LIMCH1: variants seen among roughly 807,000 people sequenced by gnomAD.
LIMCH1 encodes LIM and calponin homology domains-containing protein 1.
LIMCH1 carries 113 observed loss-of-function variants against 176.5 expected under a neutral mutation model. That is an observed-to-expected ratio of 0.64 (90% CI 0.55 to 0.75). LIMCH1 has a LOEUF of 0.75. LIMCH1 is among the 30% of genes least tolerant of loss of function. LIMCH1 has a pLI of 0.00. For synonymous variants in LIMCH1, 619 were observed against 645.9 expected (o/e 0.96, Z 0.63); for missense variants, 1,674 against 1,814.9 (o/e 0.92, Z 1.41).
At chr4:41,516,723 A>C (rs2075618339) in intron 2 of LIMCH1, among the ~76,000 whole-genome samples, 2 of 152,224 alleles carry the variant, frequency 1.3e-5, no homozygotes, top group African/African-American at 2.4e-5. Context: ...TTTTAGTATT[A>C]AGAGGGATGT....
At position 41,629,702 on chromosome 4, in the gene LIMCH1, G is replaced by A. The variant is rs532991644; in HGVS notation, c.1239G>A (p.Thr413=). Residue 413 remains threonine, a synonymous_variant, in exon 9 of 32, where the codon ACG becomes ACA. Transcript: ENST00000503057. ...LSNITEADLE[T]WERLKVSEKA... is the part of the protein sequence containing the mutation. ...ACATAACAGAAGCTGACTTGGAGAC[G>A]TGGGAGAGACTCAAAGTGTCAGAAA... The A allele has an allele frequency of 3.3e-5, 51 of 1,535,948 alleles. 1 individual carries two copies. The South Asian group carries it at 4.6e-4, about 14-fold the overall frequency.
intron 1 of LIMCH1, among the ~76,000 whole-genome samples, chr4:41,575,756 A>C (rs561723690): frequency 6.6e-6 from 1 of 152,272 alleles, no homozygotes; most frequent in South Asian, 2.1e-4. Flanking sequence ...ATCTGGTGGT[A>C]GTAGATATTT....
At chr4:41,451,560 C>G (rs948498286) in intron 1 of LIMCH1, among the ~76,000 whole-genome samples, 3 of 152,216 alleles carry the variant, frequency 2.0e-5, no homozygotes, top group Non-Finnish European at 2.9e-5. Flanking sequence ...TCCTCTCTCC[C>G]TTCTCCCCCA....
chr4:41,469,196 A>C (rs1036793126), intron 1 of LIMCH1, among the ~76,000 whole-genome samples: 1 of 152,128 alleles, frequency 6.6e-6, no homozygotes, highest in African/African-American at 2.4e-5. Context: ...CCTACCTCCC[A>C]CAACAGTTGA....
intron 18 of LIMCH1, among the ~76,000 whole-genome samples, chr4:41,656,179 C>A (rs995490728): frequency 3.3e-5 from 5 of 152,194 alleles, no homozygotes; most frequent in African/African-American, 1.2e-4. Flanking sequence ...AAATTCAGTA[C>A]TTATGTTTTC....
At chr4:41,501,226 T>G (rs1028806581) in intron 2 of LIMCH1, among the ~76,000 whole-genome samples, 1 of 152,222 alleles carries the variant, frequency 6.6e-6, no homozygotes, top group Non-Finnish European at 1.5e-5. Flanking sequence ...GTAAAGATTA[T>G]TTCTTTGAAA....
At chr4:41,529,198 AG>A (rs1353773884) in intron 3 of LIMCH1, among the ~76,000 whole-genome samples, 1 of 152,230 alleles carries the variant, frequency 6.6e-6, no homozygotes, top group Non-Finnish European at 1.5e-5. Context: ...AGTGGTCATC[AG>A]AGATCATGCT....
intron 4 of LIMCH1, chr4:41,613,254 G>A (rs1449161119): frequency 3.4e-6 from 3 of 876,822 alleles, no homozygotes; most frequent in Admixed American, 5.2e-5. Context: ...AAAACGTTGT[G>A]CATGATTTTC....
At chr4:41,435,896 A>G (rs940501067) in intron 1 of LIMCH1, among the ~76,000 whole-genome samples, 7 of 152,222 alleles carry the variant, frequency 4.6e-5, no homozygotes, top group Admixed American at 2.6e-4. Flanking sequence ...ACTTATTGAC[A>G]TGATGATTCC....
In LIMCH1 at chr4:41,368,480, CA is replaced by C. The variant is rs569283441; in HGVS notation, c.96+7545del. Among the ~76,000 whole-genome samples, 128 of 152,088 alleles carry C rather than the reference CA, an allele frequency of 8.4e-4. 1 individual carries two copies. Among genetic ancestry groups the C allele is most frequent in the South Asian group, 5.8e-3 (28 of 4,824 alleles). ...CATACTATGAAGACAAAGAATGGGG[CA>C]GGGGGGATTAAGAGAAAAGCACTCT... On this transcript the variant is annotated intron_variant, in intron 1 of 26. Transcript: ENST00000313860.
intron 2 of LIMCH1, among the ~76,000 whole-genome samples, chr4:41,506,570 C>A (rs766714990): frequency 6.6e-6 from 1 of 152,108 alleles, no homozygotes; most frequent in Non-Finnish European, 1.5e-5. Flanking sequence ...ACAGTGTAAA[C>A]CAGTGTACGA....
At chr4:41,559,476 CCT>C (rs559776056) in intron 1 of LIMCH1, among the ~76,000 whole-genome samples, 388 of 152,228 alleles carry the variant, frequency 2.5e-3, no homozygotes, top group African/African-American at 8.7e-3. Flanking sequence ...CCTACTAAGC[CCT>C]CTTTTACTCT....
chr4:41,414,559 C>T (rs113553156), intron 1 of LIMCH1, among the ~76,000 whole-genome samples: 1 of 152,204 alleles, frequency 6.6e-6, no homozygotes, highest in Admixed American at 6.5e-5. Flanking sequence ...AGATACCGGG[C>T]GATTGACATT....
At chr4:41,492,702 A>C (rs1172094684) in intron 1 of LIMCH1, among the ~76,000 whole-genome samples, 1 of 152,212 alleles carries the variant, frequency 6.6e-6, no homozygotes, top group East Asian at 1.9e-4. Flanking sequence ...CAATTATTGA[A>C]GAGAGATATA....
chr4:41,627,031 T>TGG, intron 8 of LIMCH1, 21 bp downstream of exon 8: 1 of 1,505,214 alleles, frequency 6.6e-7, no homozygotes, highest in Non-Finnish European at 8.9e-7. Context: ...TGTGTGTGTG[T>TGG]GTGTGTGTGT....
At chr4:41,591,612 A>G (rs969980853) in intron 1 of LIMCH1, among the ~76,000 whole-genome samples, 5 of 152,196 alleles carry the variant, frequency 3.3e-5, no homozygotes, top group African/African-American at 4.8e-5. Context: ...CAAAAGTGGT[A>G]ATTCTAGTTT....
At chr4:41,694,714 C>T (rs1729098199) in intron 31 of LIMCH1, among the ~76,000 whole-genome samples, 2 of 152,138 alleles carry the variant, frequency 1.3e-5, no homozygotes, top group Admixed American at 1.3e-4. Context: ...CATCCTTGTG[C>T]ATATATCTTG....
rs181052030 is a variant in LIMCH1 at position 41,511,074 on chromosome 4, G to A, written c.168-13335G>A. ...TAACATTCCCAAACATGGCTTCATC[G>A]TGACTGGTGGCCTCTTCCCAGAAGA... On this transcript the variant is annotated intron_variant, in intron 2 of 26. Coordinates refer to the LIMCH1 transcript ENST00000313860. 2.4e-3 allele frequency among the ~76,000 whole-genome samples: 364 copies of A among 152,236 alleles called. 2 individuals are homozygous for A. Among genetic ancestry groups the A allele is most frequent in the African/African-American group, 7.5e-3 (313 of 41,560 alleles).
intron 2 of LIMCH1, among the ~76,000 whole-genome samples, chr4:41,502,675 TC>T (rs1479441159): frequency 6.6e-6 from 1 of 152,240 alleles, no homozygotes; most frequent in African/African-American, 2.4e-5. Flanking sequence ...GAGCTTTTTT[TC>T]ATACTGGTAT....
Sources: gnomAD v4.1 joint callset for allele counts (sites outside exome capture counted in the v4.1 genomes callset) on GRCh38, gnomAD v4.1.1 for gene constraint, MANE v1.5 for transcripts, NCBI Gene and HGNC (gene_info 2026-07-23, HGNC 2026-07-21) for gene names.